The following KIRREL2 variants were observed in gnomAD, a reference collection of about 807,000 sequenced individuals.
The protein encoded by KIRREL2 is kirre like nephrin family adhesion molecule 2.
In KIRREL2, 56 loss-of-function variants were observed where a neutral mutation model predicts 73.4. The ratio of observed to expected loss-of-function variants is 0.76; its 90% CI spans 0.62 to 0.95. The LOEUF (loss-of-function observed/expected upper bound fraction) is 0.95, where lower values mean the gene tolerates loss of function less well. Among genes scored for constraint, KIRREL2 ranks in the 40% least tolerant of loss-of-function variants. The pLI, the probability that KIRREL2 is intolerant of heterozygous loss-of-function variation, is 0.00. For missense variants in KIRREL2, 896 were observed against 935.0 expected, an observed-to-expected ratio of 0.96 and a Z score of 0.54; for synonymous variants, 407 against 404.0, an observed-to-expected ratio of 1.01 and a Z score of -0.09.
rs751115556 is a variant in KIRREL2, at chr19:35,862,536, CACCACAA to C, written c.1555_1561del (p.Thr519LeufsTer29). On this transcript the variant is annotated frameshift_variant, in exon 12 of 15. Coordinates refer to ENST00000360202, the MANE Select transcript of KIRREL2 (RefSeq NM_199180.4). LOFTEE classifies it high-confidence loss of function. ...GGATAGTGGCCGGAGTGGCCGCTGC[CACCACAA>C]CTCTCCTTATGGTCATCACTGGGGT... 18 of 1,610,672 alleles carry C rather than the reference CACCACAA, an allele frequency of 1.1e-5. No homozygotes were observed. Among genetic ancestry groups the C allele is most frequent in the East Asian group, 2.2e-5 (1 of 44,872 alleles).
chr19:35,862,675 C>A lies in KIRREL2; in HGVS notation c.1615+78C>A, dbSNP rs1466425519. On this transcript the variant is annotated intron_variant, in intron 12 of 14. Coordinates refer to ENST00000360202, the MANE Select transcript of KIRREL2 (RefSeq NM_199180.4). ...CTGCCTGCCCAGTGACCTGACCTGG[C>A]CTTGGGCCTTGGCTCCAGTCCCATT... The A allele has an allele frequency of 3.8e-5, 40 of 1,065,394 alleles. No homozygotes were observed. In the East Asian group the frequency reaches 9.2e-4, roughly 25 times the overall value. The allele number at this position is 1,065,394 out of a possible 1,614,324, so 66.0% of individuals were successfully genotyped here. A position where few individuals can be genotyped will look rare whatever the true frequency, so the allele number is the denominator to read the frequency against.
Position 35,860,556 on chromosome 19 carries a change from G to T in KIRREL2, c.817G>T (p.Gly273Trp). 1 of 1,603,350 alleles carries T rather than the reference G, an allele frequency of 6.2e-7. No individual in the cohort carries two copies. Among genetic ancestry groups the T allele is most frequent in the Non-Finnish European group, 8.5e-7 (1 of 1,179,944 alleles). The change falls in exon 7 of 15, where the codon GGG (glycine) becomes TGG (tryptophan). Residue 273 changes from glycine to tryptophan, a missense_variant. Physicochemically the swap from Gly to Trp is radical, Grantham distance 184 (BLOSUM62 -2). Transcript: ENST00000360202. ...KGGSPVLGAR[G>W]PRLEVVADAS... is the part of the protein sequence containing the mutation. The stretch of plus-strand genomic sequence containing the variant: ...GGGCTCTCCGGTGCTCGGGGCCCGC[G>T]GGCCAAGGTTAGAGGTCGTGGCAGA...
chr19:35,864,019 C>T (rs972989302), intron 13 of KIRREL2, among the ~76,000 whole-genome samples: 1 of 152,046 alleles, frequency 6.6e-6, no homozygotes, highest in Non-Finnish European at 1.5e-5. Context: ...TCGTGATCCG[C>T]TCGTCTCGGC....
chr19:35,863,409 C>G (rs1170381623), intron 13 of KIRREL2, among the ~76,000 whole-genome samples: 2 of 149,938 alleles, frequency 1.3e-5, no homozygotes, highest in African/African-American at 2.5e-5. Flanking sequence ...GGCTACAGAG[C>G]AAGACCCTGT....
intron 9 of KIRREL2, 56 bp from the exon 10 acceptor site, chr19:35,861,485 C>T: frequency 6.4e-7 from 1 of 1,569,528 alleles, no homozygotes; most frequent in African/African-American, 1.4e-5. Context: ...GGCTTTGTTA[C>T]AGCCTTTGGG....
chr19:35,866,411 AGATCTGGCCCCCG>A lies in KIRREL2; in HGVS notation c.2048_2060del (p.Asp683GlyfsTer44), dbSNP rs777146580. 6.2e-7 allele frequency: 1 copy of A among 1,604,978 alleles called. No individual in the cohort carries two copies. Among genetic ancestry groups the A allele is most frequent in the Non-Finnish European group, 8.5e-7 (1 of 1,176,024 alleles). ...TCAAACCCACATCCTTTGGGCCCCC[AGATCTGGCCCCCG>A]GGACTCCCCCCTTCCCATATGCTGC... On this transcript the variant is annotated frameshift_variant, in exon 15 of 15. Coordinates refer to ENST00000360202, the MANE Select transcript of KIRREL2 (RefSeq NM_199180.4). LOFTEE classifies it high-confidence loss of function.
chr19:35,859,437 C>A (rs756446331), intron 4 of KIRREL2, 44 bp from the exon 5 acceptor site: 9 of 1,589,464 alleles, frequency 5.7e-6, no homozygotes, highest in East Asian at 2.2e-5. Flanking sequence ...GATTGGACAC[C>A]CCTGATGGGT....
At chr19:35,852,847 C>T (rs1385079209), upstream of KIRREL2, among the ~76,000 whole-genome samples, 2 of 151,830 alleles carry the variant, frequency 1.3e-5, no homozygotes, top group Admixed American at 6.6e-5. Context: ...AGTGGCATCT[C>T]GGCTCACTGC....
At chr19:35,865,139 T>G (rs1181312877) in intron 14 of KIRREL2, among the ~76,000 whole-genome samples, 4 of 148,552 alleles carry the variant, frequency 2.7e-5, no homozygotes, top group Non-Finnish European at 6.0e-5. Flanking sequence ...TCTCTCTCTC[T>G]CCTGCGTACC....
Position 35,858,854 on chromosome 19 carries a change from C to T in KIRREL2, c.512C>T (p.Thr171Ile), listed in dbSNP as rs1016251163. The T allele has an allele frequency of 8.7e-6, 14 of 1,614,192 alleles. No homozygotes were observed. The highest frequency in any genetic ancestry group is 1.2e-5 in the Non-Finnish European group (14 of 1,180,024). ...GATGGGGTCCTGTTGGATGGAGCCA[C>T]CTTCCATCAGGTCAGGTCCAAATTC... Reference protein sequence around the residue: ...FRDGVLLDGATFHQTLLKEGT... With the variant: ...FRDGVLLDGAIFHQTLLKEGT... The change falls in exon 4 of 15, where the codon ACC (threonine) becomes ATC (isoleucine). Residue 171 changes from threonine (T) to isoleucine (I), a missense_variant. By Grantham distance (89) the Thr-to-Ile change is moderately conservative. Coordinates refer to ENST00000360202, the MANE Select transcript of KIRREL2 (RefSeq NM_199180.4).
chr19:35,857,737 G>A (rs562818556), intron 2 of KIRREL2, among the ~76,000 whole-genome samples: 2 of 152,048 alleles, frequency 1.3e-5, no homozygotes, highest in East Asian at 1.9e-4. Context: ...TAATCCCAAC[G>A]CTTTGGGAGG....
chr19:35,860,803 A>G lies in KIRREL2; in HGVS notation c.929-106A>G, dbSNP rs138623544. On this transcript the variant is annotated intron_variant, in intron 7 of 14. Coordinates refer to ENST00000360202, the MANE Select transcript of KIRREL2 (RefSeq NM_199180.4). ...GAGGAGGAGAGTGTGGAGCTGGGGC[A>G]TATTCTTGCGCCCTAGAGGGTGTGG... The G allele has an allele frequency of 4.3e-4, 678 of 1,588,726 alleles. 3 individuals are homozygous for G. The East Asian group carries it at 0.011, about 25-fold the overall frequency.
intron 9 of KIRREL2, 54 bp from the exon 10 acceptor site, chr19:35,861,487 G>A: frequency 2.5e-6 from 4 of 1,575,754 alleles, no homozygotes; most frequent in Non-Finnish European, 3.5e-6. Flanking sequence ...CTTTGTTACA[G>A]CCTTTGGGGA....
At chr19:35,851,824 G>T (rs191850409), upstream of KIRREL2, 2 of 1,551,742 alleles carry the variant, frequency 1.3e-6, no homozygotes, top group African/African-American at 2.7e-5. Context: ...CCTGAGCGTC[G>T]TCCCCAGGGC....
At position 35,861,180 on chromosome 19, in the gene KIRREL2, A is replaced by G. The variant is rs1001033859; in HGVS notation, c.1115A>G (p.Asp372Gly). The change falls in exon 9 of 15, where the codon GAC (aspartate) becomes GGC (glycine). Residue 372 changes from aspartate to glycine, a missense_variant. By Grantham distance (94) the Asp-to-Gly change is moderately conservative (BLOSUM62 -1). Coordinates refer to ENST00000360202, the MANE Select transcript of KIRREL2 (RefSeq NM_199180.4). ...LPSVGPEDAG[D>G]YVCRAEAGLS... ...TCGGTGGGGCCCGAGGACGCAGGCG[A>G]CTATGTGTGCAGAGCTGAGGCTGGG... is the stretch of plus-strand genomic sequence containing the variant. 4 of 1,582,260 alleles carry G rather than the reference A, an allele frequency of 2.5e-6. No homozygotes were observed. The highest frequency in any genetic ancestry group is 3.4e-6 in the Non-Finnish European group (4 of 1,167,040).
In KIRREL2 at chr19:35,858,705, C is replaced by G. The variant is rs375947934; in HGVS notation, c.363C>G (p.Val121=). 6.2e-7 allele frequency: 1 copy of G among 1,613,758 alleles called. No individual in the cohort carries two copies. The change falls in exon 4 of 15, where the codon GTC becomes GTG. Residue 121 remains valine (V), a splice_region_variant and synonymous_variant. Transcript: ENST00000360202. ...TCTGACCCCAAATCCACCTTGCAGT[C>G]CCCCCAGAAGCCCCCCAGGTGCTGG... ...RSRPAQLHVL[V]PPEAPQVLGG...
chr19:35,865,163 T>G (rs1973913965), intron 14 of KIRREL2, among the ~76,000 whole-genome samples: 2 of 134,912 alleles, frequency 1.5e-5, no homozygotes. Flanking sequence ...CACATGCCAT[T>G]CTCTCTCTTC....
chr19:35,859,623 G>T lies in KIRREL2; in HGVS notation c.665G>T (p.Ser222Ile), dbSNP rs1395606810. The T allele has an allele frequency of 2.5e-6, 4 of 1,613,724 alleles. No individual in the cohort carries two copies. In the African/African-American group the frequency reaches 5.3e-5, roughly 22 times the overall value. The change falls in exon 5 of 15, where the codon AGC (serine) becomes ATC (isoleucine). Residue 222 changes from serine to isoleucine, a missense_variant. Ser to Ile is a moderately radical substitution (Grantham distance 142). Transcript: ENST00000360202. ...PTGRDTAITL[S>I]LQYPPEVTLS... Reference sequence around the variant, plus strand: ...GGAAGAGACACAGCTATCACACTGAGCCTGCAGTGTGAGTGCAGCTGGCCC... The same window carrying T: ...GGAAGAGACACAGCTATCACACTGATCCTGCAGTGTGAGTGCAGCTGGCCC...
At chr19:35,852,186 C>T (rs1599849560), upstream of KIRREL2, among the ~76,000 whole-genome samples, 1 of 151,548 alleles carries the variant, frequency 6.6e-6, no homozygotes, top group African/African-American at 2.4e-5. Flanking sequence ...ACCTTGGCCT[C>T]CCCAAGTGTT....
Sources: allele counts gnomAD v4.1 joint callset (sites outside exome capture counted in the v4.1 genomes callset), GRCh38; gene constraint gnomAD v4.1.1; transcripts MANE v1.5; gene names NCBI Gene and HGNC (gene_info 2026-07-23, HGNC 2026-07-21).